UTP14C: variants seen among roughly 807,000 people sequenced by gnomAD.
UTP14C encodes the protein U3 small nucleolar RNA-associated protein 14 homolog C.
Under a neutral mutation model 14.6 loss-of-function variants are expected in UTP14C, and 10 were observed. The ratio of observed to expected loss-of-function variants is 0.68; its 90% CI spans 0.42 to 1.16. UTP14C has a LOEUF of 1.16. Ranked by LOEUF, UTP14C falls within the 50% of genes most tolerant of loss-of-function variation. The pLI is 0.00. For synonymous variants in UTP14C, 315 were observed against 331.6 expected, an observed-to-expected ratio of 0.95 and a Z score of 0.54; for missense variants, 818 against 890.8, an observed-to-expected ratio of 0.92 and a Z score of 1.04.
In UTP14C at chr13:52,024,876, G is replaced by T. The variant is rs754572359; in HGVS notation, c.-548G>T. 8 of 1,613,760 alleles carry T rather than the reference G, an allele frequency of 5.0e-6. No individual in the cohort carries two copies. Among genetic ancestry groups the T allele is most frequent in the Non-Finnish European group, 6.8e-6 (8 of 1,180,024 alleles). On this transcript the variant is annotated 5_prime_UTR_variant, in exon 1 of 2. Coordinates refer to ENST00000521776, the MANE Select transcript of UTP14C (RefSeq NM_021645.6). The stretch of plus-strand genomic sequence containing the variant: ...TAAACATTCCATTTGATGAATTAAA[G>T]AATTATTTGTCTGAAGCAACAATTG...
At position 52,029,509 on chromosome 13, in the gene UTP14C, C is replaced by T. The variant is rs1396204363; in HGVS notation, c.705C>T (p.Tyr235=). The part of the protein sequence containing the change: ...ELQRARALQS[Y]YEAKARKEKK... Reference sequence around the variant, plus strand: ...AGAGGGCTCGGGCTCTGCAGTCCTACTATGAGGCCAAGGCTCGAAAAGAGA... The same window carrying T: ...AGAGGGCTCGGGCTCTGCAGTCCTATTATGAGGCCAAGGCTCGAAAAGAGA... Residue 235 remains tyrosine, a synonymous_variant, in exon 2 of 2, where the codon TAC becomes TAT. Coordinates refer to ENST00000521776, the MANE Select transcript of UTP14C (RefSeq NM_021645.6). The T allele has an allele frequency of 3.7e-6, 6 of 1,614,146 alleles. No homozygotes were observed. Among genetic ancestry groups the T allele is most frequent in the Non-Finnish European group, 5.1e-6 (6 of 1,180,038 alleles).
In UTP14C at chr13:52,028,309, T is replaced by G; in HGVS notation, c.-486-10T>G. 1 of 1,614,202 alleles carries G rather than the reference T, an allele frequency of 6.2e-7. No individual in the cohort carries two copies. Among genetic ancestry groups the G allele is most frequent in the Non-Finnish European group, 8.5e-7 (1 of 1,180,030 alleles). ...TTAAAAGATTACATGATTTGTGTTT[T>G]TTTTCTCAGGAGTTGTGGAGTGTAT... is the stretch of plus-strand genomic sequence containing the variant. On this transcript the variant is annotated splice_polypyrimidine_tract_variant and intron_variant, in intron 1 of 1. Coordinates refer to ENST00000521776, the MANE Select transcript of UTP14C (RefSeq NM_021645.6).
At position 52,028,790 on chromosome 13, in the gene UTP14C, A is replaced by G. The variant is rs755891176; in HGVS notation, c.-15A>G. 7.4e-6 allele frequency: 12 copies of G among 1,614,070 alleles called. No homozygotes were observed. Among genetic ancestry groups the G allele is most frequent in the Non-Finnish European group, 1.0e-5 (12 of 1,180,034 alleles). ...CTTCCATTCTTGGTATACATGAGAG[A>G]GGCTGGCTGCTGAGATGAATGTGAA... On this transcript the variant is annotated 5_prime_UTR_variant, in exon 2 of 2. Transcript: ENST00000521776.
rs1335242257 is a variant in UTP14C, at chr13:52,032,418, G to A, written c.*1313G>A. The stretch of plus-strand genomic sequence containing the variant: ...AACTAGCATGGAAAAGTGAATATAT[G>A]TGTGAGCAGATATGGCTATAAAGAC... On this transcript the variant is annotated 3_prime_UTR_variant, in exon 2 of 2. Coordinates refer to ENST00000521776, the MANE Select transcript of UTP14C (RefSeq NM_021645.6). 1 of 167,090 alleles carries A rather than the reference G, an allele frequency of 6.0e-6. No individual in the cohort carries two copies. The highest frequency in any genetic ancestry group is 1.5e-5 in the Non-Finnish European group (1 of 68,118). 10.4% of individuals were successfully genotyped at this position (167,090 alleles called of 1,614,324 possible).
Position 52,031,182 on chromosome 13 carries a change from G to T in UTP14C, c.*77G>T. 6.6e-7 allele frequency: 1 copy of T among 1,515,964 alleles called. No homozygotes were observed. The highest frequency in any genetic ancestry group is 1.4e-5 in the South Asian group (1 of 73,008). The allele number at this position is 1,515,964 out of a possible 1,614,324, so 93.9% of individuals were successfully genotyped here. Reference sequence around the variant, plus strand: ...GTCCAGTTTTACTCTGCTACAGGGTGGATTCCAAAACTGGCTCAGCACATT... The same window carrying T: ...GTCCAGTTTTACTCTGCTACAGGGTTGATTCCAAAACTGGCTCAGCACATT... On this transcript the variant is annotated 3_prime_UTR_variant, in exon 2 of 2. Coordinates refer to ENST00000521776, the MANE Select transcript of UTP14C (RefSeq NM_021645.6).
chr13:52,024,694 T>G lies in UTP14C; in HGVS notation c.-730T>G, dbSNP rs1402091241. On this transcript the variant is annotated 5_prime_UTR_variant, in exon 1 of 2. Coordinates refer to ENST00000521776, the MANE Select transcript of UTP14C (RefSeq NM_021645.6). ...GAATCATCCATTGCAGATCAGAGCCTTTGCTAAATTGCTGAATAAGAAGAT... is the reference window on the plus strand; with the variant it reads ...GAATCATCCATTGCAGATCAGAGCCGTTGCTAAATTGCTGAATAAGAAGAT... 1 of 1,614,114 alleles carries G rather than the reference T, an allele frequency of 6.2e-7. No homozygotes were observed. The highest frequency in any genetic ancestry group is 2.2e-5 in the East Asian group (1 of 44,898).
chr13:52,024,959 C>G, intron 1 of UTP14C, 22 bp downstream of exon 1: 1 of 1,595,604 alleles, frequency 6.3e-7, no homozygotes, highest in Non-Finnish European at 8.5e-7. Context: ...CTTTAAACAA[C>G]TTGTTTGGTG....
At chr13:52,027,890 C>T (rs1300910805) in intron 1 of UTP14C, among the ~76,000 whole-genome samples, 1 of 152,074 alleles carries the variant, frequency 6.6e-6, no homozygotes, top group Non-Finnish European at 1.5e-5. Flanking sequence ...ATTCTCTAGT[C>T]TTCTTTTTTA....
In UTP14C at chr13:52,031,037, G is replaced by A. The variant is rs1483387212; in HGVS notation, c.2233G>A (p.Asp745Asn). The A allele has an allele frequency of 3.7e-6, 6 of 1,614,136 alleles. No individual in the cohort carries two copies. The highest frequency in any genetic ancestry group is 4.2e-6 in the Non-Finnish European group (5 of 1,180,032). ...DVGYQSSSRS[D>N]LPVIQRNPKR... ...GGGCTACCAGTCTTCCTCAAGGTCA[G>A]ACCTGCCTGTCATACAGAGGAATCC... Residue 745 changes from aspartate to asparagine, a missense_variant, in exon 2 of 2, where the codon GAC becomes AAC. Coordinates refer to ENST00000521776, the MANE Select transcript of UTP14C (RefSeq NM_021645.6).
chr13:52,029,567 G>A lies in UTP14C; in HGVS notation c.763G>A (p.Val255Met), dbSNP rs779326762. 17 of 1,614,082 alleles carry A rather than the reference G, an allele frequency of 1.1e-5. No individual in the cohort carries two copies. The highest frequency in any genetic ancestry group is 6.7e-5 in the African/African-American group (5 of 74,932). Residue 255 changes from valine (V) to methionine (M), a missense_variant, in exon 2 of 2, where the codon GTG becomes ATG. Coordinates refer to ENST00000521776, the MANE Select transcript of UTP14C (RefSeq NM_021645.6). The part of the protein sequence containing the change: ...KIKSKKYHKV[V>M]KKGKAKKALK... ...CAAAAGTAAAAAGTATCACAAAGTC[G>A]TGAAGAAAGGAAAGGCCAAGAAAGC...
intron 1 of UTP14C, among the ~76,000 whole-genome samples, chr13:52,025,292 G>C (rs1458265185): frequency 6.6e-6 from 1 of 152,172 alleles, no homozygotes; most frequent in East Asian, 1.9e-4. Flanking sequence ...ACAGTAAGTG[G>C]TAGAGCCCGG....
rs1185669495 is a variant in UTP14C, at chr13:52,031,821, TTC to T, written c.*718_*719del. Reference sequence around the variant, plus strand: ...TGACACTAAAGCTGCTCCTTTATCTTTCTGAGTCTCAGATTCTTCATCTGTAA... The same window carrying T: ...TGACACTAAAGCTGCTCCTTTATCTTTGAGTCTCAGATTCTTCATCTGTAA... On this transcript the variant is annotated 3_prime_UTR_variant, in exon 2 of 2. Coordinates refer to ENST00000521776, the MANE Select transcript of UTP14C (RefSeq NM_021645.6). 6.0e-6 allele frequency: 1 copy of T among 167,128 alleles called. No individual in the cohort carries two copies. Among genetic ancestry groups the T allele is most frequent in the East Asian group, 1.9e-4 (1 of 5,202 alleles). The allele number at this position is 167,128 out of a possible 1,614,324, so 10.4% of individuals were successfully genotyped here. A position where few individuals can be genotyped will look rare whatever the true frequency, so the allele number is the denominator to read the frequency against.
At position 52,031,135 on chromosome 13, in the gene UTP14C, G is replaced by A. The variant is rs371369385; in HGVS notation, c.*30G>A. ...TGTAGCTGGAGAAGTGACAGTCAGG[G>A]GCCCTGATTCCACTTCCTTTGGTCC... On this transcript the variant is annotated 3_prime_UTR_variant, in exon 2 of 2. Transcript: ENST00000521776. The A allele has an allele frequency of 7.5e-5, 118 of 1,575,248 alleles. No individual in the cohort carries two copies. The highest frequency in any genetic ancestry group is 9.5e-5 in the Non-Finnish European group (110 of 1,161,128).
chr13:52,031,306 T>A lies in UTP14C; in HGVS notation c.*201T>A. On this transcript the variant is annotated 3_prime_UTR_variant, in exon 2 of 2. Coordinates refer to ENST00000521776, the MANE Select transcript of UTP14C (RefSeq NM_021645.6). ...CAGACATTAGAACACAGAAAAATTCTAGTACATTTAAATTCTAAACAATAC... is the reference window on the plus strand; with the variant it reads ...CAGACATTAGAACACAGAAAAATTCAAGTACATTTAAATTCTAAACAATAC... 1.3e-6 allele frequency: 1 copy of A among 764,198 alleles called. No homozygotes were observed. Among genetic ancestry groups the A allele is most frequent in the Non-Finnish European group, 2.0e-6 (1 of 491,842 alleles). The allele number at this position is 764,198 out of a possible 1,614,324, so 47.3% of individuals were successfully genotyped here.
Position 52,030,829 on chromosome 13 carries a change from C to A in UTP14C, c.2025C>A (p.His675Gln), listed in dbSNP as rs1053490230. The A allele has an allele frequency of 1.8e-5, 29 of 1,614,174 alleles. No homozygotes were observed. Among genetic ancestry groups the A allele is most frequent in the Non-Finnish European group, 2.4e-5 (28 of 1,180,032 alleles). Residue 675 changes from histidine to glutamine, a missense_variant, in exon 2 of 2, where the codon CAC becomes CAA. His to Gln is a conservative substitution (Grantham distance 24). Transcript: ENST00000521776. The stretch of plus-strand genomic sequence containing the variant: ...TTATCAGTGAGAAGCGCAACATCCA[C>A]GCAGCAGCTCATCAGGTACAAGTGC... ...NVIISEKRNI[H>Q]AAAHQVQVLP...
chr13:52,030,026 G>A lies in UTP14C; in HGVS notation c.1222G>A (p.Glu408Lys), dbSNP rs201263625. 81 of 1,614,124 alleles carry A rather than the reference G, an allele frequency of 5.0e-5. No homozygotes were observed. The highest frequency in any genetic ancestry group is 1.7e-6 in the Non-Finnish European group (2 of 1,180,050). The change falls in exon 2 of 2, where the codon GAA (glutamate) becomes AAA (lysine). Residue 408 changes from glutamate to lysine, a missense_variant. Glu to Lys is a moderately conservative substitution (Grantham distance 56). Transcript: ENST00000521776. ...AAHEVSASEA[E>K]ERPVAEEEIL... The stretch of plus-strand genomic sequence containing the variant: ...TCATGAGGTTTCTGCAAGTGAGGCA[G>A]AAGAAAGACCAGTGGCAGAGGAAGA...
chr13:52,030,909 T>C lies in UTP14C; in HGVS notation c.2105T>C (p.Ile702Thr). ...TTTGAAAGGACCATCCAGACCCCTA[T>C]AGGATCCACATGGAACACCCAGAGG... ...RQFERTIQTPIGSTWNTQRAF... is the reference protein window; with the variant it reads ...RQFERTIQTPTGSTWNTQRAF... Residue 702 changes from isoleucine (I) to threonine (T), a missense_variant, in exon 2 of 2, where the codon ATA (isoleucine) becomes ACA (threonine). Physicochemically the swap from Ile to Thr is moderately conservative, Grantham distance 89 (BLOSUM62 -1). Transcript: ENST00000521776. The C allele has an allele frequency of 1.9e-6, 3 of 1,614,060 alleles. No homozygotes were observed. Among genetic ancestry groups the C allele is most frequent in the Non-Finnish European group, 1.7e-6 (2 of 1,180,004 alleles).
chr13:52,027,832 C>T (rs1319924807), intron 1 of UTP14C, among the ~76,000 whole-genome samples: 1 of 152,080 alleles, frequency 6.6e-6, no homozygotes, highest in African/African-American at 2.4e-5. Context: ...TATGTTTTTA[C>T]TCCTTTTGTT....
In UTP14C at chr13:52,029,098, T is replaced by G; in HGVS notation, c.294T>G (p.Ser98=). ...DLLEPVKTSS[S]LATVKKQLNR... The stretch of plus-strand genomic sequence containing the variant: ...TTGAGCCCGTTAAAACTTCATCTTC[T>G]TTGGCCACTGTAAAAAAGCAACTGA... The change falls in exon 2 of 2, where the codon TCT becomes TCG. Residue 98 remains serine (S), a synonymous_variant. Coordinates refer to ENST00000521776, the MANE Select transcript of UTP14C (RefSeq NM_021645.6). The G allele has an allele frequency of 1.9e-6, 3 of 1,614,206 alleles. No homozygotes were observed. Among genetic ancestry groups the G allele is most frequent in the Non-Finnish European group, 2.5e-6 (3 of 1,180,042 alleles).
Sources: allele counts gnomAD v4.1 joint callset (sites outside exome capture counted in the v4.1 genomes callset), GRCh38; gene constraint gnomAD v4.1.1; transcripts MANE v1.5; gene names NCBI Gene and HGNC (gene_info 2026-07-23, HGNC 2026-07-21).